CPNE1: variants seen among roughly 807,000 people sequenced by gnomAD.
CPNE1 encodes copine 1, also known as copine-1.
Under a neutral mutation model 63.2 loss-of-function variants are expected in CPNE1, and 58 were observed. The observed-to-expected ratio is 0.92, with a 90% CI of 0.74 to 1.14. CPNE1 has a LOEUF of 1.14. Ranked by LOEUF, CPNE1 falls within the 50% of genes most tolerant of loss-of-function variation. The pLI is 0.00. For synonymous variants in CPNE1, 237 were observed against 249.0 expected, an observed-to-expected ratio of 0.95 and a Z score of 0.45; for missense variants, 672 against 661.7, an observed-to-expected ratio of 1.02 and a Z score of -0.17.
At chr20:35,632,103 C>G in intron 5 of CPNE1, 60 bp downstream of exon 5, 1 of 1,601,972 alleles carries the variant, frequency 6.2e-7, no homozygotes. Context: ...ACCCCCATCC[C>G]CCATACACCA....
chr20:35,635,014 C>T (rs1333476525), intron 1 of CPNE1, among the ~76,000 whole-genome samples: 1 of 150,954 alleles, frequency 6.6e-6, no homozygotes, highest in Non-Finnish European at 1.5e-5. Flanking sequence ...AAAGTCCTGG[C>T]ATGATAGTGT....
chr20:35,655,194 A>G, intron 1 of CPNE1: 1 of 1,614,196 alleles, frequency 6.2e-7, no homozygotes, highest in Non-Finnish European at 8.5e-7. Context: ...AAACGATGAA[A>G]GCCTCACCCA....
chr20:35,654,779 T>C (rs1461192151), intron 1 of CPNE1: 1 of 1,613,910 alleles, frequency 6.2e-7, no homozygotes, highest in African/African-American at 1.3e-5. Context: ...ACTGTGTTCA[T>C]TGGAGAGGCT....
At chr20:35,636,373 T>G (rs2032485356) in intron 1 of CPNE1, among the ~76,000 whole-genome samples, 1 of 152,208 alleles carries the variant, frequency 6.6e-6, no homozygotes, top group Non-Finnish European at 1.5e-5. Context: ...CTCATTTCAC[T>G]AATGCTGGGA....
Position 35,631,949 on chromosome 20 carries a change from G to A in CPNE1, c.533C>T (p.Ser178Phe). Residue 178 changes from serine to phenylalanine, a missense_variant, in exon 6 of 16, where the codon TCT (serine) becomes TTT (phenylalanine). By Grantham distance (155) the Ser-to-Phe change is radical. Transcript: ENST00000397443. ...GDGKWHLVYRSEVIKNNLNPT... is the reference protein window; with the variant it reads ...GDGKWHLVYRFEVIKNNLNPT... ...CCAATCCCAGGGGTCTCATACCTCA[G>A]ATCTGTACACCAGGTGCCATTTCCC... 6.2e-7 allele frequency: 1 copy of A among 1,613,640 alleles called. No homozygotes were observed. The highest frequency in any genetic ancestry group is 8.5e-7 in the Non-Finnish European group (1 of 1,179,650).
chr20:35,644,584 G>C (rs1405039351), intron 1 of CPNE1, among the ~76,000 whole-genome samples: 2 of 152,210 alleles, frequency 1.3e-5, no homozygotes, highest in Non-Finnish European at 2.9e-5. Flanking sequence ...ACTGAGGCCA[G>C]AGGGAAATAA....
chr20:35,638,805 C>A (rs1011363214), intron 1 of CPNE1, among the ~76,000 whole-genome samples: 1 of 152,110 alleles, frequency 6.6e-6, no homozygotes, highest in Non-Finnish European at 1.5e-5. Flanking sequence ...ACAAAAAAAT[C>A]TATTAGTATC....
Position 35,653,362 on chromosome 20 carries a change from T to C in CPNE1, c.-1+11398A>G, listed in dbSNP as rs576054861. ...CAGTCCCACACCGGGCAGTCCCGCATTGGGCATTCCTGGAACTGCAGGATT... is the reference window on the plus strand; with the variant it reads ...CAGTCCCACACCGGGCAGTCCCGCACTGGGCATTCCTGGAACTGCAGGATT... On this transcript the variant is annotated intron_variant, in intron 1 of 15. Coordinates refer to ENST00000397443, the MANE Select transcript of CPNE1 (RefSeq NM_152925.3). 7 of 1,614,106 alleles carry C rather than the reference T, an allele frequency of 4.3e-6. No homozygotes were observed. The highest frequency in any genetic ancestry group is 2.2e-5 in the East Asian group (1 of 44,886).
rs755523544 is a variant in CPNE1 at position 35,626,644 on chromosome 20, C to G, written c.1396G>C (p.Gly466Arg). ...EAMEQLDADG[G>R]PLHTRSGQAA... ...TGCCCAGAACGTGTATGCAGGGGTC[C>G]ACCATCAGCGTCCAGCTGCTCCATG... Residue 466 changes from glycine to arginine, a missense_variant, in exon 15 of 16, where the codon GGA becomes CGA. Gly to Arg is a moderately radical substitution (Grantham distance 125). Coordinates refer to ENST00000397443, the MANE Select transcript of CPNE1 (RefSeq NM_152925.3). 92 of 1,614,056 alleles carry G rather than the reference C, an allele frequency of 5.7e-5. No homozygotes were observed. The highest frequency in any genetic ancestry group is 7.2e-5 in the Non-Finnish European group (85 of 1,180,048).
chr20:35,639,522 G>C (rs2032682192), intron 1 of CPNE1, among the ~76,000 whole-genome samples: 1 of 152,116 alleles, frequency 6.6e-6, no homozygotes, highest in Non-Finnish European at 1.5e-5. Context: ...TTTTTGTAGA[G>C]ACAGGGTTTC....
chr20:35,626,435 G>A (rs1259183404), intron 15 of CPNE1, 54 bp from the exon 16 acceptor site: 1 of 1,607,266 alleles, frequency 6.2e-7, no homozygotes, highest in Non-Finnish European at 8.5e-7. Flanking sequence ...CCCAAAGTCT[G>A]TATTTCATGC....
chr20:35,629,005 T>C (rs186134637), intron 13 of CPNE1, among the ~76,000 whole-genome samples: 2 of 152,324 alleles, frequency 1.3e-5, no homozygotes, highest in African/African-American at 2.4e-5. Flanking sequence ...TGTGTGTACA[T>C]ACATAAACAC....
chr20:35,643,181 G>C (rs891361196), intron 1 of CPNE1: 1 of 160,932 alleles, frequency 6.2e-6, no homozygotes, highest in African/African-American at 2.4e-5. Context: ...TCACCCCATT[G>C]ATCACCAGGG....
At chr20:35,645,608 T>A (rs139211767) in intron 1 of CPNE1, among the ~76,000 whole-genome samples, 155 of 152,360 alleles carry the variant, frequency 1.0e-3, no homozygotes, top group Non-Finnish European at 2.0e-3. Context: ...AGCTGTACAT[T>A]CATGTGAAGT....
chr20:35,656,488 G>A (rs1204579460), intron 1 of CPNE1, among the ~76,000 whole-genome samples: 1 of 152,170 alleles, frequency 6.6e-6, no homozygotes, highest in African/African-American at 2.4e-5. Flanking sequence ...AATTAAGGTG[G>A]TCAATAACAT....
At chr20:35,626,505 C>T (rs2031751466) in intron 15 of CPNE1, 62 bp downstream of exon 15, 3 of 1,595,040 alleles carry the variant, frequency 1.9e-6, no homozygotes, top group South Asian at 1.1e-5. Context: ...TGGGCCTCAA[C>T]CCTACTCACA....
intron 1 of CPNE1, among the ~76,000 whole-genome samples, chr20:35,657,184 T>C (rs1346950113): frequency 1.3e-5 from 2 of 152,122 alleles, no homozygotes; most frequent in Non-Finnish European, 2.9e-5. Flanking sequence ...ATTTGGGAAG[T>C]GTGGGGAAGC....
chr20:35,638,211 C>A (rs2032597642), intron 1 of CPNE1, among the ~76,000 whole-genome samples: 1 of 152,182 alleles, frequency 6.6e-6, no homozygotes, highest in Non-Finnish European at 1.5e-5. Flanking sequence ...TGCTTTTGCT[C>A]AAGTCACACT....
intron 13 of CPNE1, among the ~76,000 whole-genome samples, chr20:35,629,334 C>G (rs2031970023): frequency 6.6e-6 from 1 of 152,112 alleles, no homozygotes; most frequent in Non-Finnish European, 1.5e-5. Flanking sequence ...TCAGATTTTC[C>G]ACTTCAGCTT....
Sources: allele counts gnomAD v4.1 joint callset (sites outside exome capture counted in the v4.1 genomes callset), GRCh38; gene constraint gnomAD v4.1.1; transcripts MANE v1.5; gene names NCBI Gene and HGNC (gene_info 2026-07-23, HGNC 2026-07-21).